The following RAPGEF2 variants were observed in gnomAD, a reference collection of about 807,000 sequenced individuals.
The protein encoded by RAPGEF2 is PDZ domain containing guanine nucleotide exchange factor (GEF) 1.
Under a neutral mutation model 186.7 loss-of-function variants are expected in RAPGEF2, and 54 were observed. The observed-to-expected ratio is 0.29, with a 90% CI of 0.23 to 0.36. The LOEUF (loss-of-function observed/expected upper bound fraction) is 0.36. Ranked by LOEUF, RAPGEF2 falls within the 10% of genes least tolerant of loss-of-function variation. RAPGEF2 has a pLI of 1.00. For synonymous variants in RAPGEF2, 712 were observed against 705.9 expected (o/e 1.01, Z -0.14); for missense variants, 1,532 against 2,045.0 (o/e 0.75, Z 4.84).
intron 3 of RAPGEF2, among the ~76,000 whole-genome samples, chr4:159,197,654 T>G (rs1417916462): frequency 6.6e-6 from 1 of 152,242 alleles, no homozygotes; most frequent in South Asian, 2.1e-4. Flanking sequence ...AATGTGCAAT[T>G]TAGAACTGCA....
chr4:159,119,313 G>T (rs998263161), intron 1 of RAPGEF2, among the ~76,000 whole-genome samples: 1 of 152,114 alleles, frequency 6.6e-6, no homozygotes, highest in Non-Finnish European at 1.5e-5. Context: ...AGAGGGGTGG[G>T]TGTTAAATCC....
chr4:159,202,529 A>T (rs2111347435), intron 3 of RAPGEF2, among the ~76,000 whole-genome samples: 1 of 152,232 alleles, frequency 6.6e-6, no homozygotes, highest in Admixed American at 6.5e-5. Context: ...ACCCACAGCC[A>T]CTTCCGCAAC....
chr4:159,318,478 G>C (rs1418839086), intron 9 of RAPGEF2, among the ~76,000 whole-genome samples: 1 of 152,230 alleles, frequency 6.6e-6, no homozygotes, highest in Non-Finnish European at 1.5e-5. Context: ...GTGCATGAGT[G>C]TTTAAGGTGA....
intron 4 of RAPGEF2, among the ~76,000 whole-genome samples, chr4:159,217,464 C>T (rs1751094392): frequency 6.6e-6 from 1 of 152,200 alleles, no homozygotes. Flanking sequence ...CAGCTCCATC[C>T]ATGTTGCTGC....
chr4:159,179,062 A>G (rs775599329), intron 1 of RAPGEF2, among the ~76,000 whole-genome samples: 4 of 152,210 alleles, frequency 2.6e-5, no homozygotes, highest in Admixed American at 2.0e-4. Context: ...TCTACTTTCA[A>G]GTAGCATCTA....
At chr4:159,106,872 G>GA (rs1737946593) in intron 1 of RAPGEF2, among the ~76,000 whole-genome samples, 1 of 152,176 alleles carries the variant, frequency 6.6e-6, no homozygotes, top group African/African-American at 2.4e-5. Context: ...CTAGGGGTGG[G>GA]AAGAGTACCA....
intron 20 of RAPGEF2, among the ~76,000 whole-genome samples, chr4:159,342,553 A>ATATTTTTTATTTTATTTTATTTTATT (rs1561316713): frequency 1.4e-5 from 1 of 71,976 alleles, no homozygotes; most frequent in Non-Finnish European, 2.9e-5. Flanking sequence ...TTTATTTTAT[A>ATATTTTTTATTTTATTTTATTTTATT]TTATTTTATT....
intron 1 of RAPGEF2, among the ~76,000 whole-genome samples, chr4:159,154,639 T>A (rs1247786691): frequency 2.0e-5 from 3 of 152,152 alleles, no homozygotes; most frequent in Non-Finnish European, 4.4e-5. Flanking sequence ...GCTGATAATT[T>A]GTAAAATAAT....
intron 1 of RAPGEF2, among the ~76,000 whole-genome samples, chr4:159,163,887 T>C (rs370564339): frequency 7.8e-4 from 119 of 152,154 alleles, no homozygotes; most frequent in African/African-American, 2.6e-3. Context: ...TTATAGTACA[T>C]GGATAAAATG....
chr4:159,352,574 C>T, intron 26 of RAPGEF2, 111 bp from the exon 27 acceptor site: 6 of 791,890 alleles, frequency 7.6e-6, no homozygotes, highest in Non-Finnish European at 1.0e-5. Context: ...TTTTTCTCCC[C>T]ACTTAAGAGA....
intron 1 of RAPGEF2, among the ~76,000 whole-genome samples, chr4:159,130,680 T>G (rs1032012737): frequency 6.6e-6 from 1 of 152,200 alleles, no homozygotes; most frequent in African/African-American, 2.4e-5. Context: ...GCGAATAAAT[T>G]ACTCTAAATA....
intron 7 of RAPGEF2, among the ~76,000 whole-genome samples, chr4:159,261,653 T>C (rs1756894144): frequency 6.6e-6 from 1 of 152,248 alleles, no homozygotes; most frequent in Non-Finnish European, 1.5e-5. Context: ...TGCTTGCTGT[T>C]GTTTGCATAG....
At chr4:159,202,310 C>T (rs1393810944) in intron 3 of RAPGEF2, among the ~76,000 whole-genome samples, 3 of 152,194 alleles carry the variant, frequency 2.0e-5, no homozygotes, top group Non-Finnish European at 4.4e-5. Flanking sequence ...GTACCCCATA[C>T]ACCCTCCTTG....
intron 7 of RAPGEF2, among the ~76,000 whole-genome samples, chr4:159,285,522 G>A (rs1760341011): frequency 6.6e-6 from 1 of 152,124 alleles, no homozygotes; most frequent in African/African-American, 2.4e-5. Context: ...CTTTTATTAG[G>A]TTTCTATGTT....
At chr4:159,272,962 C>T (rs1021253092) in intron 7 of RAPGEF2, among the ~76,000 whole-genome samples, 3 of 152,150 alleles carry the variant, frequency 2.0e-5, no homozygotes, top group African/African-American at 7.2e-5. Flanking sequence ...GTTATATTAC[C>T]ATGACAGTTT....
chr4:159,286,569 G>A (rs1760528611), intron 7 of RAPGEF2, among the ~76,000 whole-genome samples: 1 of 152,192 alleles, frequency 6.6e-6, no homozygotes, highest in African/African-American at 2.4e-5. Context: ...ACTCCCTGGA[G>A]AACTATGCAT....
intron 1 of RAPGEF2, among the ~76,000 whole-genome samples, chr4:159,127,020 T>G (rs944316807): frequency 3.3e-5 from 5 of 152,144 alleles, no homozygotes; most frequent in Non-Finnish European, 7.4e-5. Context: ...ATTTGCATTT[T>G]TTGTTGTTGT....
At chr4:159,340,753 CAAAACAAAA>C (rs1729334519) in intron 19 of RAPGEF2, among the ~76,000 whole-genome samples, 1 of 91,722 alleles carries the variant, frequency 1.1e-5, no homozygotes, top group Non-Finnish European at 2.2e-5. Context: ...AAAACAAAAA[CAAAACAAAA>C]AATACCACCA....
intron 26 of RAPGEF2, chr4:159,351,324 G>T: frequency 3.6e-6 from 3 of 833,242 alleles, no homozygotes; most frequent in Non-Finnish European, 5.3e-6. Context: ...TAAGCAGACT[G>T]TTCAGGGAGG....
Sources: allele counts gnomAD v4.1 joint callset (sites outside exome capture counted in the v4.1 genomes callset), GRCh38; gene constraint gnomAD v4.1.1; transcripts MANE v1.5; gene names NCBI Gene and HGNC (gene_info 2026-07-23, HGNC 2026-07-21).